Variants in ADGRL3 observed in about 807,000 individuals in gnomAD.
ADGRL3 encodes the protein adhesion G protein-coupled receptor L3.
ADGRL3 carries 62 observed loss-of-function variants against 153.5 expected under a neutral mutation model. That is an observed-to-expected ratio of 0.40 (90% CI 0.33 to 0.50). ADGRL3 has a LOEUF of 0.50. ADGRL3 is among the 20% of genes least tolerant of loss of function. ADGRL3 has a pLI of 0.47. For missense variants in ADGRL3, 1,641 were observed against 1,859.4 expected (o/e 0.88, Z 2.16); for synonymous variants, 710 against 672.5 (o/e 1.06, Z -0.86).
chr4:61,297,821 C>T (rs796107517), intron 1 of ADGRL3, among the ~76,000 whole-genome samples: 16 of 151,606 alleles, frequency 1.1e-4, no homozygotes, highest in Admixed American at 8.5e-4. Context: ...CCGTCACTAC[C>T]GTCGCCACCA....
chr4:61,918,191 T>G (rs2098753249), intron 13 of ADGRL3, among the ~76,000 whole-genome samples: 1 of 152,160 alleles, frequency 6.6e-6, no homozygotes, highest in African/African-American at 2.4e-5. Context: ...TATAGAGTTT[T>G]CAGAGAAAAA....
chr4:61,238,272 T>C (rs762680760), intron 1 of ADGRL3, among the ~76,000 whole-genome samples: 3 of 152,176 alleles, frequency 2.0e-5, no homozygotes, highest in Non-Finnish European at 2.9e-5. Flanking sequence ...AAAATACTTA[T>C]TCACTGTGGT....
chr4:61,679,931 A>C (rs998048099), intron 6 of ADGRL3, among the ~76,000 whole-genome samples: 2 of 152,018 alleles, frequency 1.3e-5, no homozygotes, highest in African/African-American at 2.4e-5. Context: ...CAAGGGCCCA[A>C]GTCGTTTTTC....
chr4:61,763,888 T>A (rs1197801273), intron 8 of ADGRL3, among the ~76,000 whole-genome samples: 2 of 152,214 alleles, frequency 1.3e-5, no homozygotes, highest in African/African-American at 4.8e-5. Context: ...TAACTATTTT[T>A]AACCTTATTT....
chr4:61,479,150 C>G (rs978516171), intron 2 of ADGRL3, among the ~76,000 whole-genome samples: 2 of 151,972 alleles, frequency 1.3e-5, no homozygotes, highest in Non-Finnish European at 2.9e-5. Context: ...GGAGATGCCT[C>G]TTGACATCTT....
At position 61,395,517 on chromosome 4, in the gene ADGRL3, C is replaced by T. The variant is rs149740572; in HGVS notation, c.-174+12328C>T. The stretch of plus-strand genomic sequence containing the variant: ...ATACAGATAATTTCTATTAACTTTG[C>T]TTTACTGTATTATGTTATTTCAGGT... On this transcript the variant is annotated intron_variant, in intron 2 of 26. Coordinates refer to ENST00000683033, the MANE Select transcript of ADGRL3 (RefSeq NM_001387552.1). Among the ~76,000 whole-genome samples the T allele has an allele frequency of 2.5e-3, 376 of 151,818 alleles. 4 individuals carry two copies. Among genetic ancestry groups the T allele is most frequent in the African/African-American group, 8.5e-3 (353 of 41,466 alleles).
At chr4:61,787,223 A>G (rs2097287391) in intron 8 of ADGRL3, among the ~76,000 whole-genome samples, 2 of 152,116 alleles carry the variant, frequency 1.3e-5, no homozygotes, top group South Asian at 4.1e-4. Context: ...CATAAGATGA[A>G]TTATTGTTTT....
At chr4:61,834,610 A>C (rs2097912476) in intron 9 of ADGRL3, among the ~76,000 whole-genome samples, 1 of 152,148 alleles carries the variant, frequency 6.6e-6, no homozygotes, top group Admixed American at 6.5e-5. Flanking sequence ...GGAAAAGGCC[A>C]TCAAGGGCTT....
In ADGRL3 at chr4:62,075,375, A is replaced by G. The variant is rs1189688290; in HGVS notation, c.*4467A>G. 1.3e-5 allele frequency: 2 copies of G among 152,116 alleles called. No homozygotes were observed. Among genetic ancestry groups the G allele is most frequent in the Admixed American group, 6.6e-5 (1 of 15,250 alleles). 9.4% of individuals were successfully genotyped at this position (152,116 alleles called of 1,614,324 possible). A position where few individuals can be genotyped will look rare whatever the true frequency, so the allele number is the denominator to read the frequency against. On this transcript the variant is annotated 3_prime_UTR_variant, in exon 27 of 27. Coordinates refer to ENST00000683033, the MANE Select transcript of ADGRL3 (RefSeq NM_001387552.1). ...CTGTGATGTATTGCAGAGGGAAAAAAACCAACACTACAGAAGTATAATGCA... is the reference window on the plus strand; with the variant it reads ...CTGTGATGTATTGCAGAGGGAAAAAGACCAACACTACAGAAGTATAATGCA...
chr4:61,414,633 A>T (rs888338043), intron 2 of ADGRL3, among the ~76,000 whole-genome samples: 1 of 151,844 alleles, frequency 6.6e-6, no homozygotes, highest in East Asian at 1.9e-4. Flanking sequence ...ATTAAGGAAA[A>T]GGAGGAGACA....
intron 4 of ADGRL3, among the ~76,000 whole-genome samples, chr4:61,555,479 G>T (rs1362335832): frequency 6.6e-6 from 1 of 152,128 alleles, no homozygotes; most frequent in Non-Finnish European, 1.5e-5. Context: ...AATATTAAAT[G>T]AATGCACACT....
rs1195776736 is a variant in ADGRL3, at chr4:61,983,411, T to C, written c.3044T>C (p.Leu1015Ser). The C allele has an allele frequency of 6.2e-7, 1 of 1,613,782 alleles. No homozygotes were observed. The highest frequency in any genetic ancestry group is 1.3e-5 in the African/African-American group (1 of 74,928). ...PIACAVFAAL[L>S]HFFFLAAFTW... is the part of the protein sequence containing the mutation. ...GCCTGTGCTGTTTTCGCTGCCCTGT[T>C]ACATTTCTTCTTCTTGGCTGCCTTC... Residue 1015 changes from leucine (L) to serine (S), a missense_variant, in exon 19 of 27, where the codon TTA becomes TCA. Around this residue, in one of 5 missense-constraint regions of ADGRL3, gnomAD observed 734 missense variants for 797.0 expected, o/e 0.92. Transcript: ENST00000683033.
At chr4:61,636,900 CAT>C (rs1303884287) in intron 5 of ADGRL3, among the ~76,000 whole-genome samples, 1 of 151,648 alleles carries the variant, frequency 6.6e-6, no homozygotes, top group Non-Finnish European at 1.5e-5. Context: ...GTGTTTATGG[CAT>C]ATATAAAAGT....
At chr4:61,758,984 C>A (rs538323220) in intron 8 of ADGRL3, among the ~76,000 whole-genome samples, 160 of 152,276 alleles carry the variant, frequency 1.1e-3, no homozygotes, top group Non-Finnish European at 2.0e-3. Flanking sequence ...AAATTCTTTT[C>A]TTTAAGAATG....
chr4:61,226,988 T>C (rs932301089), intron 1 of ADGRL3, among the ~76,000 whole-genome samples: 2 of 151,738 alleles, frequency 1.3e-5, no homozygotes, highest in South Asian at 2.1e-4. Flanking sequence ...ATTTAGAATG[T>C]AATTTTTTAG....
intron 2 of ADGRL3, among the ~76,000 whole-genome samples, chr4:61,472,173 C>A (rs1290882398): frequency 6.6e-6 from 1 of 152,078 alleles, no homozygotes; most frequent in South Asian, 2.1e-4. Context: ...AGTGATAGAA[C>A]AATACAAATT....
chr4:61,657,360 A>T (rs1374474488), intron 5 of ADGRL3, among the ~76,000 whole-genome samples: 4 of 152,134 alleles, frequency 2.6e-5, no homozygotes, highest in Non-Finnish European at 5.9e-5. Context: ...CCAATTGCAG[A>T]CATAGATACA....
At chr4:61,294,691 A>G (rs1035089057) in intron 1 of ADGRL3, among the ~76,000 whole-genome samples, 2 of 152,172 alleles carry the variant, frequency 1.3e-5, no homozygotes, top group African/African-American at 4.8e-5. Flanking sequence ...ATAAAATGGC[A>G]TATAAAATAA....
intron 5 of ADGRL3, among the ~76,000 whole-genome samples, chr4:61,646,365 T>A (rs551979925): frequency 1.1e-3 from 163 of 152,052 alleles, no homozygotes; most frequent in African/African-American, 3.7e-3. Context: ...GGCACTCTGC[T>A]TTTTAGAGTT....
Sources: allele counts gnomAD v4.1 joint callset (sites outside exome capture counted in the v4.1 genomes callset), GRCh38; gene constraint gnomAD v4.1.1; regional missense constraint gnomAD v4.1.1; transcripts MANE v1.5; gene names NCBI Gene and HGNC (gene_info 2026-07-23, HGNC 2026-07-21).